The following ITGBL1 variants were observed in gnomAD, a reference collection of about 807,000 sequenced individuals.
ITGBL1 encodes the protein integrin subunit beta like 1.
Under a neutral mutation model 68.5 loss-of-function variants are expected in ITGBL1, and 51 were observed. The observed-to-expected ratio is 0.74, with a 90% confidence interval of 0.59 to 0.94. The LOEUF (loss-of-function observed/expected upper bound fraction) is 0.94. Among genes scored for constraint, ITGBL1 ranks in the 40% least tolerant of loss-of-function variants. The pLI is 0.00. For synonymous variants in ITGBL1, 209 were observed against 227.3 expected, an observed-to-expected ratio of 0.92 and a Z score of 0.72; for missense variants, 649 against 647.4, an observed-to-expected ratio of 1.00 and a Z score of -0.03.
intron 2 of ITGBL1, among the ~76,000 whole-genome samples, chr13:101,479,537 T>C (rs1376157943): frequency 1.3e-5 from 2 of 151,570 alleles, no homozygotes; most frequent in Non-Finnish European, 2.9e-5. Flanking sequence ...CAGAATAGGA[T>C]AAAATATTTG....
chr13:101,623,224 G>A (rs944262118), intron 7 of ITGBL1, among the ~76,000 whole-genome samples: 1 of 151,782 alleles, frequency 6.6e-6, no homozygotes, highest in African/African-American at 2.4e-5. Flanking sequence ...GCAATCCGAG[G>A]TTTATAATTT....
At position 101,579,328 on chromosome 13, in the gene ITGBL1, G is replaced by T; in HGVS notation, c.628G>T (p.Gly210Cys). The T allele has an allele frequency of 6.2e-7, 1 of 1,613,922 alleles. No individual in the cohort carries two copies. Among genetic ancestry groups the T allele is most frequent in the Non-Finnish European group, 8.5e-7 (1 of 1,179,852 alleles). ...CYCGNCYCKA[G>C]WHGDKCEFQC... ...CTGTGGAAACTGCTACTGCAAGGCTGGTTGGCATGGAGATAAATGTGAATT... is the reference window on the plus strand; with the variant it reads ...CTGTGGAAACTGCTACTGCAAGGCTTGTTGGCATGGAGATAAATGTGAATT... The change falls in exon 5 of 11, where the codon GGT becomes TGT. Residue 210 changes from glycine (G) to cysteine (C), a missense_variant. Transcript: ENST00000376180.
At chr13:101,602,892 C>T (rs951456071) in intron 7 of ITGBL1, among the ~76,000 whole-genome samples, 1 of 152,028 alleles carries the variant, frequency 6.6e-6, no homozygotes, top group African/African-American at 2.4e-5. Context: ...AAAGTTGTAG[C>T]ATATGTCAGT....
intron 7 of ITGBL1, among the ~76,000 whole-genome samples, chr13:101,674,214 G>A (rs2033445795): frequency 1.3e-5 from 2 of 152,188 alleles, no homozygotes; most frequent in South Asian, 4.1e-4. Context: ...ACACGCTTCT[G>A]TGAGGATATC....
chr13:101,711,996 T>A (rs1438258200), intron 9 of ITGBL1: 1 of 152,210 alleles, frequency 6.6e-6, no homozygotes, highest in Non-Finnish European at 1.5e-5. Context: ...GCAGCCTACA[T>A]CTGTCTGATG....
intron 7 of ITGBL1, among the ~76,000 whole-genome samples, chr13:101,632,307 G>A (rs899512777): frequency 1.3e-5 from 2 of 152,064 alleles, no homozygotes; most frequent in African/African-American, 4.8e-5. Flanking sequence ...ACTTGGAAAG[G>A]TGCTCAATAT....
chr13:101,485,065 C>T (rs1254413705), intron 2 of ITGBL1, among the ~76,000 whole-genome samples: 1 of 152,150 alleles, frequency 6.6e-6, no homozygotes, highest in African/African-American at 2.4e-5. Flanking sequence ...AGTAGAACAA[C>T]ATCTTTAAAG....
intron 3 of ITGBL1, among the ~76,000 whole-genome samples, chr13:101,568,970 T>G (rs1471543941): frequency 6.6e-6 from 1 of 151,134 alleles, no homozygotes; most frequent in Non-Finnish European, 1.5e-5. Context: ...ACTTCAGTCT[T>G]TCTTTCTTCT....
chr13:101,668,177 C>A (rs2033269049), intron 7 of ITGBL1, among the ~76,000 whole-genome samples: 1 of 152,094 alleles, frequency 6.6e-6, no homozygotes. Flanking sequence ...CACCTGAGGT[C>A]AAGAGTTCGA....
At chr13:101,569,921 A>G (rs1328644333) in intron 3 of ITGBL1, among the ~76,000 whole-genome samples, 4 of 152,100 alleles carry the variant, frequency 2.6e-5, no homozygotes, top group African/African-American at 9.7e-5. Context: ...TGTGCATTCT[A>G]TGAGGAAATA....
chr13:101,688,715 A>G (rs17585704), intron 7 of ITGBL1, among the ~76,000 whole-genome samples: 29,568 of 152,170 alleles, frequency 0.19, 3,664 homozygotes, highest in Admixed American at 0.3. Context: ...CGTGGGACAT[A>G]TTTAATTGAT....
At chr13:101,544,974 G>A (rs2049792413) in intron 2 of ITGBL1, among the ~76,000 whole-genome samples, 1 of 152,200 alleles carries the variant, frequency 6.6e-6, no homozygotes, top group Non-Finnish European at 1.5e-5. Context: ...ACTAGGAAAG[G>A]GAATTCCCTG....
At chr13:101,635,765 G>A (rs1198950259) in intron 7 of ITGBL1, among the ~76,000 whole-genome samples, 1 of 151,992 alleles carries the variant, frequency 6.6e-6, no homozygotes, top group Non-Finnish European at 1.5e-5. Context: ...ATAAAGAAGG[G>A]CAGATTAAGT....
intron 2 of ITGBL1, among the ~76,000 whole-genome samples, chr13:101,497,632 T>C (rs1377293469): frequency 6.6e-6 from 1 of 152,160 alleles, no homozygotes; most frequent in Non-Finnish European, 1.5e-5. Context: ...TAATTTAAGT[T>C]GGCCACCAGG....
At chr13:101,633,132 A>C (rs922088557) in intron 7 of ITGBL1, among the ~76,000 whole-genome samples, 1 of 152,200 alleles carries the variant, frequency 6.6e-6, no homozygotes, top group Non-Finnish European at 1.5e-5. Flanking sequence ...TGTATTTCAA[A>C]GAGTACATGG....
At chr13:101,648,165 T>C (rs2032625094) in intron 7 of ITGBL1, among the ~76,000 whole-genome samples, 12 of 152,174 alleles carry the variant, frequency 7.9e-5, no homozygotes, top group Admixed American at 7.2e-4. Flanking sequence ...GCTTCTACAG[T>C]GTCCTACATT....
chr13:101,471,550 G>A (rs202004082), intron 2 of ITGBL1, among the ~76,000 whole-genome samples: 1,667 of 133,036 alleles, frequency 0.013, 30 homozygotes, highest in Middle Eastern at 0.042. Flanking sequence ...GTGTGTGTGT[G>A]TGTGTGTGTG....
intron 7 of ITGBL1, among the ~76,000 whole-genome samples, chr13:101,622,674 G>A (rs1234855954): frequency 3.3e-5 from 5 of 152,124 alleles, no homozygotes; most frequent in African/African-American, 1.2e-4. Flanking sequence ...GACTACATGA[G>A]CGCACAGATG....
chr13:101,672,294 T>C (rs1186316928), intron 7 of ITGBL1, among the ~76,000 whole-genome samples: 2 of 152,220 alleles, frequency 1.3e-5, no homozygotes, highest in African/African-American at 4.8e-5. Flanking sequence ...TCTTCTGATA[T>C]AGGAGTTAAG....
Sources: gnomAD v4.1 joint callset for allele counts (sites outside exome capture counted in the v4.1 genomes callset) on GRCh38, gnomAD v4.1.1 for gene constraint, MANE v1.5 for transcripts, NCBI Gene and HGNC (gene_info 2026-07-23, HGNC 2026-07-21) for gene names.